PRKG1: variants seen among roughly 807,000 people sequenced by gnomAD.
PRKG1 encodes cGMP-dependent protein kinase 1.
PRKG1 carries 35 observed loss-of-function variants against 88.1 expected under a neutral mutation model. The observed-to-expected ratio is 0.40, with a 90% CI of 0.30 to 0.53. The LOEUF (loss-of-function observed/expected upper bound fraction) is 0.53. Among genes scored for constraint, PRKG1 ranks in the 20% least tolerant of loss-of-function variants. The pLI is 0.59. For synonymous variants in PRKG1, 303 were observed against 292.5 expected (o/e 1.04, Z -0.37); for missense variants, 540 against 839.8 (o/e 0.64, Z 4.41).
intron 1 of PRKG1, among the ~76,000 whole-genome samples, chr10:51,010,740 G>T (rs1224141181): frequency 6.6e-6 from 1 of 152,180 alleles, no homozygotes; most frequent in Non-Finnish European, 1.5e-5. Context: ...TGTTTTACAG[G>T]TTACTCTGGT....
At chr10:51,220,820 A>G (rs1298814342) in intron 2 of PRKG1, among the ~76,000 whole-genome samples, 1 of 152,196 alleles carries the variant, frequency 6.6e-6, no homozygotes, top group Non-Finnish European at 1.5e-5. Flanking sequence ...ATATATAAGC[A>G]ATTTCAATTT....
At chr10:51,537,137 T>C (rs576071039) in intron 3 of PRKG1, among the ~76,000 whole-genome samples, 16 of 152,280 alleles carry the variant, frequency 1.1e-4, no homozygotes, top group African/African-American at 3.6e-4. Context: ...CTGCTACCTA[T>C]GTAATGATCA....
intron 2 of PRKG1, among the ~76,000 whole-genome samples, chr10:51,276,242 G>T (rs1440965261): frequency 1.3e-5 from 2 of 152,076 alleles, no homozygotes; most frequent in South Asian, 2.1e-4. Flanking sequence ...GTGATAGTTT[G>T]CTGAGAATGA....
chr10:51,622,062 C>T (rs775794692), intron 3 of PRKG1, among the ~76,000 whole-genome samples: 1 of 152,086 alleles, frequency 6.6e-6, no homozygotes, highest in Non-Finnish European at 1.5e-5. Context: ...TGATGTATGC[C>T]AAATCTGATG....
At chr10:51,105,508 T>C (rs1048989685) in intron 1 of PRKG1, among the ~76,000 whole-genome samples, 1 of 152,166 alleles carries the variant, frequency 6.6e-6, no homozygotes, top group Non-Finnish European at 1.5e-5. Context: ...GAAGGTTGAG[T>C]CAAATATTAC....
At chr10:51,803,495 C>G (rs1589300253) in intron 3 of PRKG1, among the ~76,000 whole-genome samples, 1 of 152,210 alleles carries the variant, frequency 6.6e-6, no homozygotes, top group Admixed American at 6.6e-5. Context: ...TCTAGCTCCT[C>G]CCCACAAGGC....
chr10:52,273,126 T>A (rs1482133898), intron 12 of PRKG1, among the ~76,000 whole-genome samples: 3 of 152,098 alleles, frequency 2.0e-5, no homozygotes, highest in African/African-American at 7.2e-5. Flanking sequence ...GTTCTAATCA[T>A]GCAAATTCAT....
At chr10:52,270,884 TA>T (rs993779565) in intron 10 of PRKG1, among the ~76,000 whole-genome samples, 10 of 150,622 alleles carry the variant, frequency 6.6e-5, no homozygotes, top group African/African-American at 2.2e-4. Flanking sequence ...AATAAAATTT[TA>T]AAAAAAAGAT....
intron 2 of PRKG1, among the ~76,000 whole-genome samples, chr10:51,314,431 C>A (rs1312703612): frequency 6.6e-6 from 1 of 152,142 alleles, no homozygotes; most frequent in African/African-American, 2.4e-5. Context: ...TAAGGTCTTA[C>A]AAAAGATTTC....
intron 2 of PRKG1, among the ~76,000 whole-genome samples, chr10:51,209,499 C>A (rs530070942): frequency 6.6e-6 from 1 of 152,236 alleles, no homozygotes; most frequent in South Asian, 2.1e-4. Context: ...ATTGTATACA[C>A]AAAGACAGTG....
rs530444459 is a variant in PRKG1 at position 51,711,514 on chromosome 10, T to A, written c.593-93071T>A. On this transcript the variant is annotated intron_variant, in intron 3 of 17. Transcript: ENST00000373980. ...TGACCTCCTTCTTTTACTGAAAATA[T>A]AAGTGTGTATGCTTCCTGTTGTCTA... Among the ~76,000 whole-genome samples, 11 of 152,362 alleles carry A rather than the reference T, an allele frequency of 7.2e-5. No individual in the cohort carries two copies. In the South Asian group the frequency reaches 2.1e-3, roughly 29 times the overall value.
chr10:51,304,887 A>G (rs1299445752), intron 2 of PRKG1, among the ~76,000 whole-genome samples: 1 of 151,930 alleles, frequency 6.6e-6, no homozygotes, highest in Non-Finnish European at 1.5e-5. Flanking sequence ...GAAATGGGGG[A>G]CCAGAAGTTT....
intron 3 of PRKG1, among the ~76,000 whole-genome samples, chr10:51,496,247 G>A (rs528086351): frequency 1.3e-5 from 2 of 152,286 alleles, no homozygotes; most frequent in South Asian, 4.1e-4. Flanking sequence ...TTGTGTGGAA[G>A]AATAGAGAGG....
chr10:51,938,564 T>G (rs2133022337), intron 5 of PRKG1, among the ~76,000 whole-genome samples: 1 of 152,186 alleles, frequency 6.6e-6, no homozygotes, highest in Non-Finnish European at 1.5e-5. Context: ...TAAGCATTCC[T>G]TTCTTCTTAA....
chr10:51,041,373 C>CT (rs1843419148), intron 1 of PRKG1, among the ~76,000 whole-genome samples: 1 of 152,216 alleles, frequency 6.6e-6, no homozygotes, highest in East Asian at 1.9e-4. Context: ...TTTTATCTCT[C>CT]TTTTTTCTCA....
Position 51,988,515 on chromosome 10 carries a change from A to G in PRKG1, c.763-65969A>G, listed in dbSNP as rs528067856. ...TGTGTGGAAGTTTCAATTTTTCCAC[A>G]TTATCACCAACATCTTGGTTTAATA... is the stretch of plus-strand genomic sequence containing the variant. On this transcript the variant is annotated intron_variant, in intron 5 of 17. Transcript: ENST00000373980. Among the ~76,000 whole-genome samples, 5 of 152,110 alleles carry G rather than the reference A, an allele frequency of 3.3e-5. No individual in the cohort carries two copies. The East Asian group carries it at 9.6e-4, about 29-fold the overall frequency.
intron 2 of PRKG1, among the ~76,000 whole-genome samples, chr10:51,182,616 A>G (rs1837376806): frequency 6.6e-6 from 1 of 152,178 alleles, no homozygotes. Context: ...CTAGGAGTGC[A>G]TGTGTGCAGG....
chr10:52,255,286 C>T (rs1841280923), intron 10 of PRKG1, among the ~76,000 whole-genome samples: 1 of 151,990 alleles, frequency 6.6e-6, no homozygotes, highest in Non-Finnish European at 1.5e-5. Context: ...GAAAATTAGT[C>T]CCATTGCCTT....
chr10:52,198,669 T>C (rs1292788244), intron 9 of PRKG1, among the ~76,000 whole-genome samples: 1 of 152,126 alleles, frequency 6.6e-6, no homozygotes. Context: ...CCAATCAAGA[T>C]ATCAGAAGCA....
Sources: allele counts gnomAD v4.1 joint callset (sites outside exome capture counted in the v4.1 genomes callset), GRCh38; gene constraint gnomAD v4.1.1; transcripts MANE v1.5; gene names NCBI Gene and HGNC (gene_info 2026-07-23, HGNC 2026-07-21).